RBM19: variants seen among roughly 807,000 people sequenced by gnomAD.
RBM19 encodes probable RNA-binding protein 19.
RBM19 carries 94 observed loss-of-function variants against 116.8 expected under a neutral mutation model. The ratio of observed to expected loss-of-function variants is 0.80; its 90% CI spans 0.68 to 0.95. The LOEUF is 0.95. Among genes scored for constraint, RBM19 ranks in the 40% least tolerant of loss-of-function variants. The probability of loss-of-function intolerance (pLI) is 0.00; values close to 1 mark genes in which losing one functional copy is unlikely to be tolerated. For missense variants in RBM19, 1,161 were observed against 1,220.7 expected (o/e 0.95, Z 0.73); for synonymous variants, 475 against 494.1 (o/e 0.96, Z 0.51).
chr12:113,938,886 C>T (rs1435788263), intron 15 of RBM19, among the ~76,000 whole-genome samples: 2 of 150,776 alleles, frequency 1.3e-5, no homozygotes, highest in Non-Finnish European at 2.9e-5. Context: ...CCTGCTGACA[C>T]CTTGATTTCA....
intron 21 of RBM19, among the ~76,000 whole-genome samples, chr12:113,902,733 C>T (rs1234492494): frequency 6.6e-6 from 1 of 151,984 alleles, no homozygotes; most frequent in Non-Finnish European, 1.5e-5. Flanking sequence ...ATAGTTTGTC[C>T]CTTTTTACTG....
intron 23 of RBM19, among the ~76,000 whole-genome samples, chr12:113,830,570 C>CGGGGGGGGGGGGGGG (rs869235673): frequency 2.5e-4 from 2 of 7,856 alleles, no homozygotes; most frequent in Admixed American, 1.5e-3. Context: ...GCTAGGGCTG[C>CGGGGGGGGGGGGGGG]GGGGCGGGGG....
chr12:113,965,520 C>CAA (rs150341104), intron 1 of RBM19, among the ~76,000 whole-genome samples: 3 of 151,796 alleles, frequency 2.0e-5, no homozygotes, highest in East Asian at 1.9e-4. Context: ...CATTTAAAAA[C>CAA]AAAAAAACAA....
intron 8 of RBM19, among the ~76,000 whole-genome samples, chr12:113,951,764 TG>T (rs1477674830): frequency 6.6e-6 from 1 of 152,158 alleles, no homozygotes; most frequent in Non-Finnish European, 1.5e-5. Context: ...AACATGACAG[TG>T]AGGAGACCAT....
rs983184825 is a variant in RBM19, at chr12:113,940,528, G to A, written c.1738-368C>T. On this transcript the variant is annotated intron_variant, in intron 14 of 23. Coordinates refer to ENST00000261741, the MANE Select transcript of RBM19 (RefSeq NM_016196.4). ...GACCGCCCACCTGCTACCACGTGCA[G>A]CCAGCAGGACGTGCTGCAGAGCTAA... 7.9e-5 allele frequency among the ~76,000 whole-genome samples: 12 copies of A among 152,338 alleles called. No homozygotes were observed. The South Asian group carries it at 1.0e-3, about 13-fold the overall frequency.
intron 21 of RBM19, among the ~76,000 whole-genome samples, chr12:113,871,749 A>T (rs552707407): frequency 4.6e-5 from 7 of 152,220 alleles, no homozygotes; most frequent in Non-Finnish European, 1.0e-4. Context: ...GTGTCCCCAG[A>T]CTGTGGCCTG....
chr12:113,851,014 A>C (rs186027585), intron 22 of RBM19, among the ~76,000 whole-genome samples: 41 of 152,320 alleles, frequency 2.7e-4, no homozygotes, highest in Admixed American at 2.5e-3. Context: ...AGAGAGAGAT[A>C]GATCCTTTCC....
chr12:113,864,782 G>C (rs1878682432), intron 21 of RBM19, among the ~76,000 whole-genome samples: 1 of 152,212 alleles, frequency 6.6e-6, no homozygotes, highest in African/African-American at 2.4e-5. Context: ...GTGAGGGCTT[G>C]TCTCAAGCCT....
chr12:113,945,959 G>A (rs563450725), intron 12 of RBM19, 35 bp from the exon 13 acceptor site: 41 of 1,501,518 alleles, frequency 2.7e-5, no homozygotes, highest in African/African-American at 8.3e-5. Context: ...AGATCAGACC[G>A]CAGCTGGATG....
chr12:113,832,962 G>T (rs922406995), intron 23 of RBM19, among the ~76,000 whole-genome samples: 3 of 152,146 alleles, frequency 2.0e-5, no homozygotes, highest in African/African-American at 7.2e-5. Flanking sequence ...AGTTATGGAA[G>T]TGGGGAGGGG....
Position 113,823,172 on chromosome 12 carries a change from CG to C in RBM19, c.*51del, listed in dbSNP as rs1419416712. The C allele has an allele frequency of 6.5e-6, 10 of 1,532,870 alleles. No homozygotes were observed. Among genetic ancestry groups the C allele is most frequent in the Non-Finnish European group, 8.9e-6 (10 of 1,123,484 alleles). The allele number at this position is 1,532,870 out of a possible 1,614,324, so 95.0% of individuals were successfully genotyped here. A position where few individuals can be genotyped will look rare whatever the true frequency, so the allele number is the denominator to read the frequency against. ...ATGGTGGTGAGTGCAGAAGCTGGAGCGGCTGTCCCGGTCCCCAGGGCCCCGG... is the reference window on the plus strand; with the variant it reads ...ATGGTGGTGAGTGCAGAAGCTGGAGCGCTGTCCCGGTCCCCAGGGCCCCGG... On this transcript the variant is annotated 3_prime_UTR_variant, in exon 24 of 24. Coordinates refer to ENST00000261741, the MANE Select transcript of RBM19 (RefSeq NM_016196.4).
intron 21 of RBM19, among the ~76,000 whole-genome samples, chr12:113,862,946 C>A (rs1023070539): frequency 1.3e-5 from 2 of 152,196 alleles, no homozygotes; most frequent in Non-Finnish European, 2.9e-5. Flanking sequence ...ATTACTCCCC[C>A]ACCCTGCAGC....
chr12:113,916,137 A>G (rs13377861), intron 20 of RBM19, among the ~76,000 whole-genome samples: 10,822 of 152,280 alleles, frequency 0.071, 1,279 homozygotes, highest in African/African-American at 0.25. Flanking sequence ...TAGGCTGGGC[A>G]TGGTGGCTCA....
chr12:113,922,400 T>C (rs1593590069), intron 18 of RBM19, among the ~76,000 whole-genome samples: 1 of 152,278 alleles, frequency 6.6e-6, no homozygotes, highest in East Asian at 1.9e-4. Context: ...ATACAGGCCC[T>C]TGAAAAAGAC....
rs1003302305 is a variant in RBM19 at position 113,946,055 on chromosome 12, G to T, written c.1530-131C>A. ...ACATGCCCCCAATTTCCCTATCATG[G>T]GCTACGTATACAGGGCCTGAAGACA... is the stretch of plus-strand genomic sequence containing the variant. On this transcript the variant is annotated intron_variant, in intron 12 of 23. Transcript: ENST00000261741. The T allele has an allele frequency of 3.4e-6, 3 of 869,948 alleles. No homozygotes were observed. In the Admixed American group the frequency reaches 7.3e-5, roughly 21 times the overall value. The allele number at this position is 869,948 out of a possible 1,614,324, so 53.9% of individuals were successfully genotyped here.
At position 113,959,720 on chromosome 12, in the gene RBM19, C is replaced by G. The variant is rs1872313967; in HGVS notation, c.378+145G>C. 5 of 1,033,996 alleles carry G rather than the reference C, an allele frequency of 4.8e-6. No homozygotes were observed. In the East Asian group the frequency reaches 1.3e-4, roughly 28 times the overall value. 64.1% of individuals were successfully genotyped at this position (1,033,996 alleles called of 1,614,324 possible). A position where few individuals can be genotyped will look rare whatever the true frequency, so the allele number is the denominator to read the frequency against. On this transcript the variant is annotated intron_variant, in intron 4 of 23. Coordinates refer to ENST00000261741, the MANE Select transcript of RBM19 (RefSeq NM_016196.4). ...CTCTCCCAGTGTCCACCCTCTCCAG[C>G]CTCTTCCCTTTCCTAGCCTCCACCC... is the stretch of plus-strand genomic sequence containing the variant.
At chr12:113,935,512 T>C (rs1016846267) in intron 16 of RBM19, among the ~76,000 whole-genome samples, 1 of 152,166 alleles carries the variant, frequency 6.6e-6, no homozygotes, top group Non-Finnish European at 1.5e-5. Context: ...AGTCGGGCTT[T>C]CACAAGGTTT....
rs71442760 is a variant in RBM19, at chr12:113,836,913, C to A, written c.2785+7755G>T. Among the ~76,000 whole-genome samples, 10 of 20,196 alleles carry A rather than the reference C, an allele frequency of 5.0e-4. 2 individuals are homozygous for A. The highest frequency in any genetic ancestry group is 1.4e-3 in the African/African-American group (7 of 4,952). The allele number at this position is 20,196 out of a possible 152,430, so 13.2% of individuals were successfully genotyped here. A position where few individuals can be genotyped will look rare whatever the true frequency, so the allele number is the denominator to read the frequency against. On this transcript the variant is annotated intron_variant, in intron 23 of 23. Transcript: ENST00000261741. Reference sequence around the variant, plus strand: ...CTTACTACATACACACCCCCCCCCCCCCCACATACACACACACACACACAC... The same window carrying A: ...CTTACTACATACACACCCCCCCCCCACCCACATACACACACACACACACAC...
intron 22 of RBM19, among the ~76,000 whole-genome samples, chr12:113,855,801 A>G (rs1877850306): frequency 1.3e-5 from 2 of 152,202 alleles, no homozygotes; most frequent in Non-Finnish European, 2.9e-5. Context: ...CTCAAGAGCT[A>G]ACTAGATATT....
Sources: gnomAD v4.1 joint callset for allele counts (sites outside exome capture counted in the v4.1 genomes callset) on GRCh38, gnomAD v4.1.1 for gene constraint, MANE v1.5 for transcripts, NCBI Gene and HGNC (gene_info 2026-07-23, HGNC 2026-07-21) for gene names.